ZFP37: variants seen among roughly 807,000 people sequenced by gnomAD.
ZFP37 encodes the protein zinc finger protein 37 homolog.
In ZFP37, 38 loss-of-function variants were observed where a neutral mutation model predicts 52.1. That is an observed-to-expected ratio of 0.73 (90% CI 0.56 to 0.96). ZFP37 has a LOEUF of 0.96. ZFP37 is among the 40% of genes least tolerant of loss of function. The pLI, the probability that ZFP37 is intolerant of heterozygous loss-of-function variation, is 0.00. For synonymous variants in ZFP37, 253 were observed against 259.5 expected (o/e 0.98, Z 0.24); for missense variants, 695 against 741.4 (o/e 0.94, Z 0.73).
At chr9:113,048,734 C>A (rs1309879574) in intron 3 of ZFP37, among the ~76,000 whole-genome samples, 1 of 152,086 alleles carries the variant, frequency 6.6e-6, no homozygotes, top group East Asian at 1.9e-4. Flanking sequence ...AAATGCATAG[C>A]CTTTTGAATT....
At chr9:113,049,312 A>G (rs774095175) in intron 3 of ZFP37, 50 bp downstream of exon 3, 1 of 1,595,012 alleles carries the variant, frequency 6.3e-7, no homozygotes, top group Non-Finnish European at 8.6e-7. Context: ...ATCTTTAAGA[A>G]GAATTTCAGA....
chr9:113,049,634 C>A (rs1341688904), intron 2 of ZFP37, 138 bp from the exon 3 acceptor site: 2 of 1,426,290 alleles, frequency 1.4e-6, no homozygotes, highest in African/African-American at 2.9e-5. Flanking sequence ...GCTAAATAGA[C>A]CTTCCATTTT....
rs1180994480 is a variant in ZFP37, at chr9:113,049,827, C to T, written c.178G>A (p.Val60Met). The T allele has an allele frequency of 1.2e-6, 2 of 1,614,026 alleles. No homozygotes were observed. Among genetic ancestry groups the T allele is most frequent in the South Asian group, 2.2e-5 (2 of 91,066 alleles). Residue 60 changes from valine to methionine, a missense_variant, in exon 2 of 4, where the codon GTG (valine) becomes ATG (methionine). Transcript: ENST00000374227. ...DPAQSNLYND[V>M]MLENYCNQAS... ...TGGTTGCAGTAGTTCTCCAGCATCA[C>T]ATCATTATACAGGTTGCTCTGAGCA...
intron 1 of ZFP37, among the ~76,000 whole-genome samples, chr9:113,051,039 G>A (rs2118712479): frequency 6.6e-6 from 1 of 152,020 alleles, no homozygotes; most frequent in South Asian, 2.1e-4. Flanking sequence ...AGGAGAAAGA[G>A]GAAAAGCAGC....
rs762699085 is a variant in ZFP37 at position 113,056,722 on chromosome 9, G to C, written c.-34C>G. 4 of 1,601,424 alleles carry C rather than the reference G, an allele frequency of 2.5e-6. No homozygotes were observed. The highest frequency in any genetic ancestry group is 1.1e-5 in the South Asian group (1 of 90,776). ...CCCGGAGGGCGGCCTTAGCGGGTCC[G>C]GCAGCCGCGATGGCGGCGCCCTTCG... On this transcript the variant is annotated 5_prime_UTR_variant, in exon 1 of 4. Coordinates refer to ENST00000374227, the MANE Select transcript of ZFP37 (RefSeq NM_003408.3).
intron 1 of ZFP37, 65 bp from the exon 2 acceptor site, chr9:113,049,937 T>C (rs745362167): frequency 1.2e-6 from 2 of 1,608,504 alleles, no homozygotes; most frequent in Non-Finnish European, 1.7e-6. Context: ...CATATTCCTG[T>C]TCATGCTAAT....
intron 3 of ZFP37, among the ~76,000 whole-genome samples, chr9:113,047,593 A>G (rs1828980972): frequency 6.6e-6 from 1 of 152,088 alleles, no homozygotes; most frequent in Non-Finnish European, 1.5e-5. Context: ...CTATGAAAAA[A>G]AAGAGAAAAA....
intron 3 of ZFP37, among the ~76,000 whole-genome samples, chr9:113,047,942 T>G (rs1828988395): frequency 6.6e-6 from 1 of 152,198 alleles, no homozygotes; most frequent in African/African-American, 2.4e-5. Context: ...TAAATAGCTT[T>G]TATTTGCACA....
At chr9:113,054,553 T>G (rs1475823549) in intron 1 of ZFP37, among the ~76,000 whole-genome samples, 1 of 152,200 alleles carries the variant, frequency 6.6e-6, no homozygotes, top group Non-Finnish European at 1.5e-5. Context: ...AGATGTGCAA[T>G]GAGCATTTTG....
At position 113,049,816 on chromosome 9, in the gene ZFP37, C is replaced by A; in HGVS notation, c.189G>T (p.Glu63Asp). 1 of 1,614,026 alleles carries A rather than the reference C, an allele frequency of 6.2e-7. No homozygotes were observed. The highest frequency in any genetic ancestry group is 8.5e-7 in the Non-Finnish European group (1 of 1,179,936). ...QSNLYNDVML[E>D]NYCNQASMGC... ...CCATTGAGGCTTGGTTGCAGTAGTT[C>A]TCCAGCATCACATCATTATACAGGT... The change falls in exon 2 of 4, where the codon GAG becomes GAT. Residue 63 changes from glutamate to aspartate, a missense_variant. By Grantham distance (45) the Glu-to-Asp change is conservative. Transcript: ENST00000374227.
At position 113,042,961 on chromosome 9, in the gene ZFP37, C is replaced by T. The variant is rs781653412; in HGVS notation, c.1657G>A (p.Ala553Thr). 9.3e-6 allele frequency: 15 copies of T among 1,613,722 alleles called. No individual in the cohort carries two copies. In the South Asian group the frequency reaches 9.9e-5, roughly 11 times the overall value. ...KPYECNECGK[A>T]FSQKSHLIVH... ...ATGAGGTGAGACTTTTGGCTAAAGG[C>T]TTTCCCACATTCATTACACTCATAC... Residue 553 changes from alanine to threonine, a missense_variant, in exon 4 of 4, where the codon GCC becomes ACC. Around this residue, in one of 2 missense-constraint regions of ZFP37, gnomAD observed 326 missense variants for 400.5 expected, o/e 0.81. Transcript: ENST00000374227.
intron 3 of ZFP37, among the ~76,000 whole-genome samples, chr9:113,048,957 C>A (rs1487572989): frequency 6.6e-6 from 1 of 151,998 alleles, no homozygotes; most frequent in Non-Finnish European, 1.5e-5. Flanking sequence ...AATGCTCTTT[C>A]AGCATAGGTC....
rs756866085 is a variant in ZFP37 at position 113,044,000 on chromosome 9, T to C, written c.618A>G (p.Lys206=). 5 of 1,613,970 alleles carry C rather than the reference T, an allele frequency of 3.1e-6. No individual in the cohort carries two copies. In the Admixed American group the frequency reaches 5.0e-5, roughly 16 times the overall value. The change falls in exon 4 of 4, where the codon AAA becomes AAG. Residue 206 remains lysine (K), a synonymous_variant. Transcript: ENST00000374227. ...TATGGTTGAATGACTTCTTGTGTTC[T>C]TTAGCTGCATCAGATTTCCTTTTTA... ...NCVKRKSDAA[K]EHKKSFNHSL...
At position 113,039,493 on chromosome 9, in the gene ZFP37, C is replaced by T. The variant is rs995537425; in HGVS notation, c.*3232G>A. 10 of 151,942 alleles carry T rather than the reference C, an allele frequency of 6.6e-5. No homozygotes were observed. Among genetic ancestry groups the T allele is most frequent in the African/African-American group, 2.4e-4 (10 of 41,366 alleles). 9.4% of individuals were successfully genotyped at this position (151,942 alleles called of 1,614,324 possible). ...CTCTCTGGGTCTTTGCTTTTGTCAC[C>T]ATCTAAGTAAGCTTACTGCCTGCTT... is the stretch of plus-strand genomic sequence containing the variant. On this transcript the variant is annotated 3_prime_UTR_variant, in exon 4 of 4. Coordinates refer to ENST00000374227, the MANE Select transcript of ZFP37 (RefSeq NM_003408.3).
Position 113,042,718 on chromosome 9 carries a change from A to G in ZFP37, c.*7T>C, listed in dbSNP as rs1295078445. Reference sequence around the variant, plus strand: ...TAAATTTAGTTAACAAATTTCCCACATTAACTTCACTCATGAGATTTATCT... The same window carrying G: ...TAAATTTAGTTAACAAATTTCCCACGTTAACTTCACTCATGAGATTTATCT... On this transcript the variant is annotated 3_prime_UTR_variant, in exon 4 of 4. Coordinates refer to ENST00000374227, the MANE Select transcript of ZFP37 (RefSeq NM_003408.3). 36 of 1,540,020 alleles carry G rather than the reference A, an allele frequency of 2.3e-5. No individual in the cohort carries two copies. The highest frequency in any genetic ancestry group is 2.9e-5 in the Non-Finnish European group (33 of 1,147,642).
rs768561023 is a variant in ZFP37, at chr9:113,044,288, G to C, written c.350-20C>G. ...GGACTTCTAAAATGGAATTCAGTGA[G>C]ATATTCTTGTGAATCTTTGTACTCT... is the stretch of plus-strand genomic sequence containing the variant. On this transcript the variant is annotated intron_variant, in intron 3 of 3. Transcript: ENST00000374227. 4 of 1,529,744 alleles carry C rather than the reference G, an allele frequency of 2.6e-6. No individual in the cohort carries two copies. Among genetic ancestry groups the C allele is most frequent in the Non-Finnish European group, 2.6e-6 (3 of 1,145,764 alleles). 94.8% of individuals were successfully genotyped at this position (1,529,744 alleles called of 1,614,324 possible).
chr9:113,046,380 A>G (rs1450178525), intron 3 of ZFP37, among the ~76,000 whole-genome samples: 2 of 152,056 alleles, frequency 1.3e-5, no homozygotes, highest in East Asian at 3.9e-4. Context: ...ACTTTTAGGT[A>G]CCATGACAAG....
chr9:113,041,265 A>C lies in ZFP37; in HGVS notation c.*1460T>G, dbSNP rs1230709894. The C allele has an allele frequency of 1.3e-5, 2 of 152,144 alleles. No homozygotes were observed. Among genetic ancestry groups the C allele is most frequent in the African/African-American group, 4.8e-5 (2 of 41,424 alleles). The allele number at this position is 152,144 out of a possible 1,614,324, so 9.4% of individuals were successfully genotyped here. On this transcript the variant is annotated 3_prime_UTR_variant, in exon 4 of 4. Coordinates refer to ENST00000374227, the MANE Select transcript of ZFP37 (RefSeq NM_003408.3). ...TTTAATCTATGGCTCAAGAGTAAAA[A>C]AAATCCAGGTGTGCAATGGCAAATA...
At chr9:113,045,693 C>T (rs10981620) in intron 3 of ZFP37, among the ~76,000 whole-genome samples, 9,126 of 152,172 alleles carry the variant, frequency 0.06, 741 homozygotes, top group East Asian at 0.4. Context: ...TTGATTGGAC[C>T]GTGGTAAACA....
Sources: gnomAD v4.1 joint callset for allele counts (sites outside exome capture counted in the v4.1 genomes callset) on GRCh38, gnomAD v4.1.1 for gene constraint, gnomAD v4.1.1 regional missense constraint, MANE v1.5 for transcripts, NCBI Gene and HGNC (gene_info 2026-07-23, HGNC 2026-07-21) for gene names.